The following F5 variants were observed in gnomAD, a reference collection of about 807,000 sequenced individuals.
F5 encodes activated protein c cofactor.
A neutral mutation model predicts 216.4 loss-of-function variants in F5; 138 were observed. The observed-to-expected ratio is 0.64, with a 90% CI of 0.56 to 0.73. The LOEUF (loss-of-function observed/expected upper bound fraction) is 0.73. Among genes scored for constraint, F5 ranks in the 30% least tolerant of loss-of-function variants. The probability of loss-of-function intolerance (pLI) is 0.00; values close to 1 mark genes in which losing one functional copy is unlikely to be tolerated. For synonymous variants in F5, 916 were observed against 930.7 expected, an observed-to-expected ratio of 0.98 and a Z score of 0.29; for missense variants, 2,403 against 2,674.0, an observed-to-expected ratio of 0.90 and a Z score of 2.24.
At chr1:169,532,653 A>T (rs745389823) in intron 14 of F5, among the ~76,000 whole-genome samples, 4 of 152,188 alleles carry the variant, frequency 2.6e-5, no homozygotes, top group Non-Finnish European at 5.9e-5. Flanking sequence ...CAAAATACCT[A>T]GGAAAACATC....
Position 169,542,548 on chromosome 1 carries a change from G to A in F5, c.2542C>T (p.Arg848Cys), listed in dbSNP as rs375248946. The change falls in exon 13 of 25, where the codon CGT becomes TGT. Residue 848 changes from arginine to cysteine, a missense_variant. By Grantham distance (180) the Arg-to-Cys change is radical. Around this residue, in one of 4 missense-constraint regions of F5, gnomAD observed 1,425 missense variants for 1,554.8 expected, o/e 0.92. Transcript: ENST00000367797. ...TCTCCAGCACCAAGTGAAAGTAGAC[G>A]TATCCCTGTGACATCTGGCTGTAGA... ...DPLQPDVTGI[R>C]LLSLGAGEFK... The A allele has an allele frequency of 3.7e-5, 60 of 1,613,908 alleles. No individual in the cohort carries two copies. The highest frequency in any genetic ancestry group is 3.7e-4 in the Admixed American group (22 of 59,998).
chr1:169,541,894 G>A lies in F5; in HGVS notation c.3196C>T (p.His1066Tyr), dbSNP rs1360162284. 1.2e-6 allele frequency: 2 copies of A among 1,614,134 alleles called. No individual in the cohort carries two copies. The highest frequency in any genetic ancestry group is 2.7e-5 in the African/African-American group (2 of 75,036). Residue 1066 changes from histidine (H) to tyrosine (Y), a missense_variant, in exon 13 of 25, where the codon CAT becomes TAT. Physicochemically the swap from His to Tyr is moderately conservative, Grantham distance 83 (BLOSUM62 2). Coordinates refer to ENST00000367797, the MANE Select transcript of F5 (RefSeq NM_000130.5). Reference sequence around the variant, plus strand: ...TTGGATTTATGAAGCACCAACGAATGCTTAAGTCTTCTTTCTGAAAATGTG... The same window carrying A: ...TTGGATTTATGAAGCACCAACGAATACTTAAGTCTTCTTTCTGAAAATGTG... ...YNTFSERRLK[H>Y]SLVLHKSNET...
chr1:169,545,053 T>G (rs1023871158), intron 11 of F5, among the ~76,000 whole-genome samples: 2 of 152,266 alleles, frequency 1.3e-5, no homozygotes, highest in Admixed American at 1.3e-4. Flanking sequence ...TATTTACTTA[T>G]GTACTAAGCA....
intron 13 of F5, among the ~76,000 whole-genome samples, chr1:169,539,072 C>A (rs1031020606): frequency 1.3e-5 from 2 of 152,100 alleles, no homozygotes; most frequent in Non-Finnish European, 2.9e-5. Flanking sequence ...AAATAAAGCA[C>A]ATTATTTCCA....
chr1:169,582,255 G>T (rs980080368), intron 2 of F5, among the ~76,000 whole-genome samples, 176 bp downstream of exon 2: 55 of 152,078 alleles, frequency 3.6e-4, no homozygotes, highest in African/African-American at 1.2e-3. Flanking sequence ...TATGAACAAG[G>T]GGACTCACAT....
In F5 at chr1:169,527,916, A is replaced by G. The variant is rs1227193883; in HGVS notation, c.5598T>C (p.Pro1866=). 1 of 1,613,320 alleles carries G rather than the reference A, an allele frequency of 6.2e-7. No individual in the cohort carries two copies. The highest frequency in any genetic ancestry group is 8.5e-7 in the Non-Finnish European group (1 of 1,179,666). ...QHQLGVWPLL[P]GSFKTLEMKA... ...CTCTTCCCATTACCCAATCTTTACC[A>G]GGCAGAAGGGGCCAGACCCCTAACT... is the stretch of plus-strand genomic sequence containing the variant. Residue 1866 remains proline, a splice_region_variant and synonymous_variant, in exon 17 of 25, where the codon CCT becomes CCC. Transcript: ENST00000367797.
At position 169,548,109 on chromosome 1, in the gene F5, A is replaced by G. The variant is rs560994756; in HGVS notation, c.1612-1517T>C. On this transcript the variant is annotated intron_variant, in intron 10 of 24. Coordinates refer to ENST00000367797, the MANE Select transcript of F5 (RefSeq NM_000130.5). ...GCAAGAACAGAAAACCACATACTGC[A>G]TGTTTTCACTTACAAGTGAAAGCTA... 3.3e-5 allele frequency among the ~76,000 whole-genome samples: 5 copies of G among 152,362 alleles called. No homozygotes were observed. The South Asian group carries it at 6.2e-4, about 19-fold the overall frequency.
rs751124066 is a variant in F5 at position 169,518,434 on chromosome 1, C to T, written c.6323G>A (p.Arg2108His). Residue 2108 changes from arginine to histidine, a missense_variant, in exon 23 of 25, where the codon CGT (arginine) becomes CAT (histidine). Physicochemically the swap from Arg to His is conservative, Grantham distance 29 (BLOSUM62 0). Transcript: ENST00000367797. ...PFRARLNAQG[R>H]VNAWQAKANN... Reference sequence around the variant, plus strand: ...GACCTTGGCTTGCCAGGCATTCACACGTCCCTGGGCATTCAGACGGGCACG... The same window carrying T: ...GACCTTGGCTTGCCAGGCATTCACATGTCCCTGGGCATTCAGACGGGCACG... 14 of 1,613,636 alleles carry T rather than the reference C, an allele frequency of 8.7e-6. No homozygotes were observed. Among genetic ancestry groups the T allele is most frequent in the Non-Finnish European group, 1.1e-5 (13 of 1,179,758 alleles).
intron 3 of F5, among the ~76,000 whole-genome samples, chr1:169,571,587 A>G (rs556141803): frequency 6.6e-6 from 1 of 152,274 alleles, no homozygotes; most frequent in South Asian, 2.1e-4. Flanking sequence ...AGTGTCATCT[A>G]TGTGCCAGGA....
At chr1:169,556,494 A>C in intron 6 of F5, 152 bp downstream of exon 6, 3 of 688,348 alleles carry the variant, frequency 4.4e-6, no homozygotes, top group Non-Finnish European at 7.7e-6. Flanking sequence ...TTATAAATCT[A>C]AGAGCAAAAT....
In F5 at chr1:169,542,693, A is replaced by T. The variant is rs776939832; in HGVS notation, c.2397T>A (p.Ser799=). ...NNLAEPQKAP[S]HQQATTAGSP... is the part of the protein sequence containing the mutation. ...AACCAGCTGTGGTGGCTTGTTGGTG[A>T]GAAGGGGCTTTCTGAGGTTCTGCAA... Residue 799 remains serine, a synonymous_variant, in exon 13 of 25, where the codon TCT becomes TCA. Transcript: ENST00000367797. 9.9e-6 allele frequency: 16 copies of T among 1,614,102 alleles called. No individual in the cohort carries two copies. The highest frequency in any genetic ancestry group is 1.2e-5 in the Non-Finnish European group (14 of 1,179,988).
intron 14 of F5, among the ~76,000 whole-genome samples, chr1:169,532,258 G>C (rs1031525767): frequency 6.6e-6 from 1 of 152,106 alleles, no homozygotes; most frequent in African/African-American, 2.4e-5. Flanking sequence ...ATGAGCAAAA[G>C]CTGAAAGCCT....
intron 6 of F5, among the ~76,000 whole-genome samples, chr1:169,556,397 T>C (rs967935487): frequency 1.8e-4 from 21 of 116,098 alleles, no homozygotes; most frequent in Non-Finnish European, 3.1e-4. Flanking sequence ...TTCGAGGAAG[T>C]TAGAGATCTC....
chr1:169,515,036 C>A (rs529642814), intron 24 of F5, among the ~76,000 whole-genome samples: 8 of 152,152 alleles, frequency 5.3e-5, no homozygotes, highest in East Asian at 1.9e-4. Flanking sequence ...CAGGAAGTGG[C>A]CACCAATAAA....
chr1:169,549,778 A>G (rs1203755569), intron 10 of F5, 23 bp downstream of exon 10: 21 of 1,577,008 alleles, frequency 1.3e-5, no homozygotes, highest in Non-Finnish European at 1.8e-5. Flanking sequence ...AATTTCTGAA[A>G]GGTTACTTCA....
intron 5 of F5, among the ~76,000 whole-genome samples, chr1:169,558,901 C>A (rs1397149461): frequency 6.6e-6 from 1 of 151,882 alleles, no homozygotes; most frequent in Non-Finnish European, 1.5e-5. Context: ...ACCTTAAGGT[C>A]TTATTCAAAG....
At chr1:169,514,851 G>A (rs1279859146) in intron 24 of F5, among the ~76,000 whole-genome samples, 2 of 152,102 alleles carry the variant, frequency 1.3e-5, no homozygotes, top group Admixed American at 1.3e-4. Flanking sequence ...CTGTGGAGCA[G>A]CTGCAAAACC....
At position 169,542,184 on chromosome 1, in the gene F5, T is replaced by C. The variant is rs9332604; in HGVS notation, c.2906A>G (p.Asn969Ser). 4.9e-4 allele frequency: 791 copies of C among 1,614,136 alleles called. 6 individuals carry two copies. In the African/African-American group the frequency reaches 9.5e-3, roughly 19 times the overall value. Residue 969 changes from asparagine (N) to serine (S), a missense_variant, in exon 13 of 25, where the codon AAC becomes AGC. Transcript: ENST00000367797. ...IQDTDEDTAV[N>S]NWLISPQNAS... ...ATTCTGGGGGCTGATCAGCCAATTG[T>C]TAACAGCTGTGTCTTCATCAGTATC...
Position 169,514,348 on chromosome 1 carries a change from G to A in F5, c.6640C>T (p.Leu2214Phe). The A allele has an allele frequency of 6.2e-7, 1 of 1,613,336 alleles. No homozygotes were observed. The highest frequency in any genetic ancestry group is 1.1e-5 in the South Asian group (1 of 91,068). The change falls in exon 25 of 25, where the codon CTT becomes TTT. Residue 2214 changes from leucine (L) to phenylalanine (F), a missense_variant. Transcript: ENST00000367797. Reference protein sequence around the residue: ...IPKTWNQSIALRLELFGCDIY With the variant: ...IPKTWNQSIAFRLELFGCDIY ...TCACAGCCAAAGAGTTCCAGGCGAA[G>A]TGCAATACTTTGATTCCATGTTTTA... is the stretch of plus-strand genomic sequence containing the variant.
Sources: allele counts gnomAD v4.1 joint callset (sites outside exome capture counted in the v4.1 genomes callset), GRCh38; gene constraint gnomAD v4.1.1; regional missense constraint gnomAD v4.1.1; transcripts MANE v1.5; gene names NCBI Gene and HGNC (gene_info 2026-07-23, HGNC 2026-07-21).